SEC14L1: variants seen among roughly 807,000 people sequenced by gnomAD.
SEC14L1 encodes the protein SEC14-like protein 1.
In SEC14L1, 48 loss-of-function variants were observed where a neutral mutation model predicts 85.3. The ratio of observed to expected loss-of-function variants is 0.56; its 90% confidence interval spans 0.45 to 0.72. SEC14L1 has a LOEUF of 0.72. SEC14L1 is among the 30% of genes least tolerant of loss of function. The pLI, the probability that SEC14L1 is intolerant of heterozygous loss-of-function variation, is 0.00. For synonymous variants in SEC14L1, 391 were observed against 355.5 expected (o/e 1.10, Z -1.12); for missense variants, 682 against 921.4 (o/e 0.74, Z 3.36).
chr17:77,098,064 C>T (rs1971688783), intron 3 of SEC14L1, among the ~76,000 whole-genome samples: 1 of 152,152 alleles, frequency 6.6e-6, no homozygotes, highest in African/African-American at 2.4e-5. Flanking sequence ...GGGGCTGAGG[C>T]CAGATCTCAT....
intron 3 of SEC14L1, among the ~76,000 whole-genome samples, chr17:77,113,276 T>C (rs1202218595): frequency 6.6e-6 from 1 of 152,180 alleles, no homozygotes; most frequent in Non-Finnish European, 1.5e-5. Context: ...TATTTTAAAG[T>C]TCTTTTGCTT....
chr17:77,180,233 A>G (rs1287532551), intron 3 of SEC14L1, among the ~76,000 whole-genome samples: 4 of 149,970 alleles, frequency 2.7e-5, no homozygotes, highest in African/African-American at 7.4e-5. Flanking sequence ...CCTCTCGAGT[A>G]GCTGGGACTA....
rs1298041567 is a variant in SEC14L1 at position 77,216,015 on chromosome 17, G to A, written c.*1992G>A. 1 of 938,108 alleles carries A rather than the reference G, an allele frequency of 1.1e-6. No individual in the cohort carries two copies. Among genetic ancestry groups the A allele is most frequent in the Admixed American group, 7.1e-5 (1 of 13,990 alleles). The allele number at this position is 938,108 out of a possible 1,614,324, so 58.1% of individuals were successfully genotyped here. A position where few individuals can be genotyped will look rare whatever the true frequency, so the allele number is the denominator to read the frequency against. On this transcript the variant is annotated 3_prime_UTR_variant, in exon 17 of 17. Coordinates refer to ENST00000436233, the MANE Select transcript of SEC14L1 (RefSeq NM_001143998.2). ...GCTAGTAGGTAGGGTTCGTAGGTAG[G>A]GTTCGTAGGTAGGGCTAGTAGGTAG...
At chr17:77,196,781 T>A (rs1975829008) in intron 8 of SEC14L1, among the ~76,000 whole-genome samples, 1 of 152,220 alleles carries the variant, frequency 6.6e-6, no homozygotes, top group Non-Finnish European at 1.5e-5. Context: ...AAAGGGAAAC[T>A]AGGCATTGCA....
Position 77,216,598 on chromosome 17 carries a change from T to C in SEC14L1, c.*2575T>C, listed in dbSNP as rs200636609. 5 of 1,613,324 alleles carry C rather than the reference T, an allele frequency of 3.1e-6. No individual in the cohort carries two copies. In the East Asian group the frequency reaches 1.1e-4, roughly 36 times the overall value. On this transcript the variant is annotated 3_prime_UTR_variant, in exon 17 of 17. Coordinates refer to ENST00000436233, the MANE Select transcript of SEC14L1 (RefSeq NM_001143998.2). ...AAGAAAATGCTTCACTCAACAGTCCTCATGTGCCCAGAGATGTTTATAGAA... is the reference window on the plus strand; with the variant it reads ...AAGAAAATGCTTCACTCAACAGTCCCCATGTGCCCAGAGATGTTTATAGAA...
intron 3 of SEC14L1, among the ~76,000 whole-genome samples, chr17:77,164,418 C>G (rs1212217333): frequency 2.0e-5 from 3 of 152,238 alleles, no homozygotes; most frequent in African/African-American, 7.2e-5. Flanking sequence ...CCCCCCACCT[C>G]TTTTCCCTTT....
At chr17:77,202,471 T>C (rs1020551631) in intron 9 of SEC14L1, among the ~76,000 whole-genome samples, 3 of 151,818 alleles carry the variant, frequency 2.0e-5, no homozygotes, top group Non-Finnish European at 2.9e-5. Flanking sequence ...ATACAAAAAT[T>C]AGCTGGGCGT....
chr17:77,121,827 G>C (rs7213752), intron 3 of SEC14L1, among the ~76,000 whole-genome samples: 53,601 of 151,952 alleles, frequency 0.35, 10,036 homozygotes, highest in Middle Eastern at 0.44. Flanking sequence ...GCTCTCCCTA[G>C]TTTGTTACTT....
At chr17:77,108,787 C>A (rs1361278379) in intron 3 of SEC14L1, among the ~76,000 whole-genome samples, 1 of 113,104 alleles carries the variant, frequency 8.8e-6, no homozygotes, top group Non-Finnish European at 1.7e-5. Flanking sequence ...TCTCTGTCTC[C>A]AAAAAAAAAA....
At chr17:77,182,864 A>G (rs1975097964) in intron 3 of SEC14L1, among the ~76,000 whole-genome samples, 1 of 152,262 alleles carries the variant, frequency 6.6e-6, no homozygotes, top group Non-Finnish European at 1.5e-5. Flanking sequence ...GAAGCTTTCC[A>G]GAAAAGTCCA....
In SEC14L1 at chr17:77,216,881, T is replaced by C; in HGVS notation, c.*2858T>C. The C allele has an allele frequency of 3.3e-6, 1 of 299,296 alleles. No individual in the cohort carries two copies. 18.5% of individuals were successfully genotyped at this position (299,296 alleles called of 1,614,324 possible). ...TTCTACCTTTAGTACCTTGCCACTCTTTTAAAACGCTGCTGTCATTTCCCA... is the reference window on the plus strand; with the variant it reads ...TTCTACCTTTAGTACCTTGCCACTCCTTTAAAACGCTGCTGTCATTTCCCA... On this transcript the variant is annotated 3_prime_UTR_variant, in exon 17 of 17. Transcript: ENST00000436233.
chr17:77,207,240 CT>C (rs903775714), intron 13 of SEC14L1, among the ~76,000 whole-genome samples: 1 of 134,556 alleles, frequency 7.4e-6, no homozygotes, highest in Non-Finnish European at 1.6e-5. Context: ...CCTCCCCGTC[CT>C]TTTTTTTATG....
intron 2 of SEC14L1, among the ~76,000 whole-genome samples, chr17:77,091,226 T>G (rs1333427827): frequency 6.6e-6 from 1 of 152,116 alleles, no homozygotes; most frequent in African/African-American, 2.4e-5. Flanking sequence ...TAGCTGAGAT[T>G]ACAGGCGCAC....
chr17:77,156,180 G>T (rs1252190303), intron 3 of SEC14L1, among the ~76,000 whole-genome samples: 2 of 152,286 alleles, frequency 1.3e-5, no homozygotes, highest in East Asian at 3.9e-4. Flanking sequence ...GGCAGCCGCT[G>T]TAGGGTCCTG....
rs547774893 is a variant in SEC14L1 at position 77,160,960 on chromosome 17, TAAAG to T, written c.63+17303_63+17306del. On this transcript the variant is annotated intron_variant, in intron 3 of 16. Coordinates refer to ENST00000436233, the MANE Select transcript of SEC14L1 (RefSeq NM_001143998.2). ...CTTTGCAGATGGGGAGCTGTACAAA[TAAAG>T]ATTTAAATAGAGTAAAACGATGGGA... Among the ~76,000 whole-genome samples the T allele has an allele frequency of 2.3e-3, 350 of 152,286 alleles. 5 individuals are homozygous for T. The highest frequency in any genetic ancestry group is 8.2e-3 in the African/African-American group (339 of 41,552).
At chr17:77,122,541 G>A (rs1247168244) in intron 3 of SEC14L1, among the ~76,000 whole-genome samples, 1 of 152,150 alleles carries the variant, frequency 6.6e-6, no homozygotes, top group East Asian at 1.9e-4. Context: ...GGTAACATAG[G>A]AGCAATCTTC....
chr17:77,131,873 G>A (rs1282920812), intron 3 of SEC14L1, among the ~76,000 whole-genome samples: 1 of 152,164 alleles, frequency 6.6e-6, no homozygotes, highest in Non-Finnish European at 1.5e-5. Context: ...AGACTCTTAG[G>A]TAGATAAACC....
chr17:77,200,437 C>T, intron 8 of SEC14L1, 47 bp from the exon 9 acceptor site: 2 of 1,539,970 alleles, frequency 1.3e-6, no homozygotes, highest in South Asian at 2.3e-5. Flanking sequence ...CCAAAGTTCC[C>T]TTCACAACTT....
chr17:77,210,693 C>T (rs1976701188), intron 14 of SEC14L1: 2 of 152,184 alleles, frequency 1.3e-5, no homozygotes, highest in South Asian at 2.1e-4. Flanking sequence ...TTCATAACGT[C>T]TTGAGGATTG....
Sources: allele counts gnomAD v4.1 joint callset (sites outside exome capture counted in the v4.1 genomes callset), GRCh38; gene constraint gnomAD v4.1.1; transcripts MANE v1.5; gene names NCBI Gene and HGNC (gene_info 2026-07-23, HGNC 2026-07-21).